Variants in HHAT observed in about 807,000 individuals in gnomAD.
The protein encoded by HHAT is protein-cysteine N-palmitoyltransferase HHAT.
A neutral mutation model predicts 70.8 loss-of-function variants in HHAT; 47 were observed. The ratio of observed to expected loss-of-function variants is 0.66; its 90% confidence interval spans 0.53 to 0.85. The LOEUF (loss-of-function observed/expected upper bound fraction) is 0.85, where lower values mean the gene tolerates loss of function less well. Among genes scored for constraint, HHAT ranks in the 40% least tolerant of loss-of-function variants. The probability of loss-of-function intolerance (pLI) is 0.00; values close to 1 mark genes in which losing one functional copy is unlikely to be tolerated. For missense variants in HHAT, 609 were observed against 604.8 expected, an observed-to-expected ratio of 1.01 and a Z score of -0.07; for synonymous variants, 228 against 247.6, an observed-to-expected ratio of 0.92 and a Z score of 0.74.
At chr1:210,509,337 A>C (rs375837346) in intron 8 of HHAT, among the ~76,000 whole-genome samples, 1 of 152,176 alleles carries the variant, frequency 6.6e-6, no homozygotes, top group Non-Finnish European at 1.5e-5. Context: ...ATTTTGGAGC[A>C]TTTCAGATTT....
At chr1:210,365,315 T>TTG (rs1553326937) in intron 3 of HHAT, among the ~76,000 whole-genome samples, 3 of 124,162 alleles carry the variant, frequency 2.4e-5, no homozygotes, top group African/African-American at 9.5e-5. Context: ...GACAGTTTTT[T>TTG]TTTTTTTTTT....
intron 1 of HHAT, among the ~76,000 whole-genome samples, chr1:210,344,210 G>A (rs986464080): frequency 4.0e-5 from 6 of 151,498 alleles, no homozygotes; most frequent in Non-Finnish European, 5.9e-5. Context: ...GTGTTTTGCC[G>A]CTAGTTACTA....
chr1:210,498,652 C>G (rs1028949529), intron 8 of HHAT, among the ~76,000 whole-genome samples: 1 of 152,176 alleles, frequency 6.6e-6, no homozygotes, highest in East Asian at 1.9e-4. Context: ...GCCCACTCAC[C>G]CGGCTTTAGT....
intron 11 of HHAT, among the ~76,000 whole-genome samples, chr1:210,628,740 G>A (rs1462860031): frequency 6.6e-6 from 1 of 152,194 alleles, no homozygotes; most frequent in African/African-American, 2.4e-5. Flanking sequence ...TGTCTGAGCA[G>A]TTTATTTGTC....
At chr1:210,469,147 A>T (rs552146035) in intron 8 of HHAT, among the ~76,000 whole-genome samples, 26 of 152,238 alleles carry the variant, frequency 1.7e-4, no homozygotes, top group Non-Finnish European at 2.5e-4. Context: ...GTGAGCAGTG[A>T]TGGGACTGGC....
intron 7 of HHAT, among the ~76,000 whole-genome samples, chr1:210,429,430 A>G (rs1338829179): frequency 6.6e-6 from 1 of 151,828 alleles, no homozygotes; most frequent in Non-Finnish European, 1.5e-5. Flanking sequence ...TTAAAATGAT[A>G]TGACTTTTTG....
At chr1:210,563,889 G>A (rs1332797673) in intron 9 of HHAT, among the ~76,000 whole-genome samples, 1 of 152,092 alleles carries the variant, frequency 6.6e-6, no homozygotes, top group Non-Finnish European at 1.5e-5. Context: ...TGTATTATTA[G>A]CCTCAGTGAG....
intron 8 of HHAT, among the ~76,000 whole-genome samples, chr1:210,486,259 A>C (rs1288928385): frequency 6.6e-6 from 1 of 152,150 alleles, no homozygotes; most frequent in Non-Finnish European, 1.5e-5. Context: ...CATAAAAACA[A>C]AGTATTCTCA....
intron 1 of HHAT, among the ~76,000 whole-genome samples, chr1:210,331,250 G>GT (rs1553310027): frequency 1.7e-5 from 2 of 119,568 alleles, no homozygotes; most frequent in Non-Finnish European, 3.5e-5. Context: ...AGTCCCATCT[G>GT]GGGGGGTGTG....
At chr1:210,584,503 T>C (rs1378267982) in intron 9 of HHAT, among the ~76,000 whole-genome samples, 1 of 152,126 alleles carries the variant, frequency 6.6e-6, no homozygotes, top group Non-Finnish European at 1.5e-5. Context: ...GTGGCCCATT[T>C]TTTGCCTCTG....
chr1:210,664,555 G>A (rs1408758174), intron 11 of HHAT, among the ~76,000 whole-genome samples: 1 of 152,222 alleles, frequency 6.6e-6, no homozygotes, highest in Non-Finnish European at 1.5e-5. Flanking sequence ...GCATGAGGCA[G>A]TTCTTTAAGG....
rs1168411880 is a variant in HHAT at position 210,382,555 on chromosome 1, A to AT, written c.160-4908dup. The stretch of plus-strand genomic sequence containing the variant: ...AAGGTTCTTGCTCTCAGAGAGATCC[A>AT]TTTTTCCCTCCAGAGAGAAAATACA... On this transcript the variant is annotated intron_variant, in intron 3 of 11. Transcript: ENST00000261458. Among the ~76,000 whole-genome samples, 31 of 152,294 alleles carry AT rather than the reference A, an allele frequency of 2.0e-4. No individual in the cohort carries two copies. In the East Asian group the frequency reaches 5.8e-3, roughly 28 times the overall value.
chr1:210,379,093 CACA>C (rs1225807707), intron 3 of HHAT, among the ~76,000 whole-genome samples: 6 of 152,258 alleles, frequency 3.9e-5, no homozygotes, highest in Non-Finnish European at 5.9e-5. Flanking sequence ...AGCCACTGTA[CACA>C]ACATCTGCTG....
chr1:210,502,113 G>C (rs1039492886), intron 8 of HHAT, among the ~76,000 whole-genome samples: 3 of 151,300 alleles, frequency 2.0e-5, no homozygotes, highest in African/African-American at 4.9e-5. Context: ...GGCCAGGCAC[G>C]GTGGCTCACG....
In HHAT at chr1:210,418,290, T is replaced by G; in HGVS notation, c.821T>G (p.Ile274Ser). ...TACATGCATGCCATCTACAGCAGCA[T>G]CCCCCTCCTGGAGACTGTCTCTTGT... ...LMYMHAIYSS[I>S]PLLETVSCWT... is the part of the protein sequence containing the mutation. The change falls in exon 7 of 12, where the codon ATC becomes AGC. Residue 274 changes from isoleucine to serine, a missense_variant. Transcript: ENST00000261458. 1 of 1,609,020 alleles carries G rather than the reference T, an allele frequency of 6.2e-7. No homozygotes were observed. The highest frequency in any genetic ancestry group is 8.5e-7 in the Non-Finnish European group (1 of 1,177,362).
intron 11 of HHAT, among the ~76,000 whole-genome samples, chr1:210,655,081 T>C (rs1444157182): frequency 1.3e-5 from 2 of 152,194 alleles, no homozygotes; most frequent in Non-Finnish European, 2.9e-5. Flanking sequence ...CATGTAAATA[T>C]TGTGCTCTGA....
At chr1:210,474,697 A>G (rs2094272783) in intron 8 of HHAT, among the ~76,000 whole-genome samples, 1 of 152,130 alleles carries the variant, frequency 6.6e-6, no homozygotes, top group South Asian at 2.1e-4. Flanking sequence ...AGAATCCAAG[A>G]AGGAGGTTGT....
At chr1:210,379,658 G>A (rs763447163) in intron 3 of HHAT, among the ~76,000 whole-genome samples, 3 of 152,158 alleles carry the variant, frequency 2.0e-5, no homozygotes, top group Non-Finnish European at 4.4e-5. Flanking sequence ...TTCAGGATAT[G>A]CAGCTTGAAA....
intron 9 of HHAT, among the ~76,000 whole-genome samples, chr1:210,561,712 T>C (rs1362593098): frequency 6.6e-6 from 1 of 152,262 alleles, no homozygotes; most frequent in Admixed American, 6.5e-5. Flanking sequence ...TTTTGATATA[T>C]GTACACATTG....
Sources: gnomAD v4.1 joint callset for allele counts (sites outside exome capture counted in the v4.1 genomes callset) on GRCh38, gnomAD v4.1.1 for gene constraint, MANE v1.5 for transcripts, NCBI Gene and HGNC (gene_info 2026-07-23, HGNC 2026-07-21) for gene names.